SUSD4: variants seen among roughly 807,000 people sequenced by gnomAD.
SUSD4 encodes the protein sushi domain-containing protein 4.
A neutral mutation model predicts 50.5 loss-of-function variants in SUSD4; 41 were observed. The ratio of observed to expected loss-of-function variants is 0.81; its 90% CI spans 0.63 to 1.05. The LOEUF (loss-of-function observed/expected upper bound fraction) is 1.05, where lower values mean the gene tolerates loss of function less well. SUSD4 is among the 50% of genes least tolerant of loss of function. The pLI is 0.00. For missense variants in SUSD4, 580 were observed against 634.7 expected, an observed-to-expected ratio of 0.91 and a Z score of 0.93; for synonymous variants, 257 against 257.3, an observed-to-expected ratio of 1.00 and a Z score of 0.01.
intron 5 of SUSD4, among the ~76,000 whole-genome samples, chr1:223,248,141 T>C (rs990091087): frequency 3.3e-5 from 5 of 152,218 alleles, no homozygotes; most frequent in East Asian, 1.9e-4. Flanking sequence ...TTCCAGATCA[T>C]GAGGAAACTC....
intron 3 of SUSD4, among the ~76,000 whole-genome samples, chr1:223,286,235 C>A (rs910699761): frequency 2.6e-5 from 4 of 152,132 alleles, no homozygotes; most frequent in Admixed American, 6.5e-5. Flanking sequence ...CCTGCCTCAG[C>A]CTCCCGAGTA....
Position 223,231,848 on chromosome 1 carries a change from G to A in SUSD4, c.725-2460C>T, listed in dbSNP as rs1010245666. On this transcript the variant is annotated intron_variant, in intron 5 of 8. Coordinates refer to ENST00000366878, the MANE Select transcript of SUSD4 (RefSeq NM_017982.4). The surrounding 1 kb of genome is among the most constrained non-coding windows in gnomAD (Gnocchi z 4.2). ...CTGCACTGCTGGAGCATTCCCCAGCGCTGTTGTACGCTCAGGAGGCCGGCA... is the reference window on the plus strand; with the variant it reads ...CTGCACTGCTGGAGCATTCCCCAGCACTGTTGTACGCTCAGGAGGCCGGCA... Among the ~76,000 whole-genome samples, 3 of 152,206 alleles carry A rather than the reference G, an allele frequency of 2.0e-5. No individual in the cohort carries two copies. The highest frequency in any genetic ancestry group is 2.9e-5 in the Non-Finnish European group (2 of 68,032).
intron 3 of SUSD4, among the ~76,000 whole-genome samples, chr1:223,279,051 C>G (rs1034923406): frequency 2.6e-5 from 4 of 152,132 alleles, no homozygotes; most frequent in African/African-American, 9.7e-5. Flanking sequence ...GAAAGGACAT[C>G]CACACCAAAA....
At chr1:223,270,280 T>C (rs1166693259) in intron 3 of SUSD4, among the ~76,000 whole-genome samples, 1 of 152,140 alleles carries the variant, frequency 6.6e-6, no homozygotes, top group Admixed American at 6.5e-5. Flanking sequence ...AGGGACTGTG[T>C]TGCTCACTTC....
intron 3 of SUSD4, among the ~76,000 whole-genome samples, chr1:223,285,724 G>A (rs1664091659): frequency 6.6e-6 from 1 of 152,166 alleles, no homozygotes; most frequent in Non-Finnish European, 1.5e-5. Flanking sequence ...ATTATCCCAA[G>A]CAAACTAACA....
intron 2 of SUSD4, among the ~76,000 whole-genome samples, chr1:223,310,623 A>T (rs1252739610): frequency 6.6e-6 from 1 of 152,216 alleles, no homozygotes. Context: ...ATATACCTAA[A>T]TATTAACCAT....
chr1:223,314,298 A>G (rs1666049361), intron 2 of SUSD4, among the ~76,000 whole-genome samples: 1 of 152,122 alleles, frequency 6.6e-6, no homozygotes, highest in Non-Finnish European at 1.5e-5. Context: ...GAAATACCAC[A>G]CCAAGTCCTG....
intron 5 of SUSD4, among the ~76,000 whole-genome samples, chr1:223,247,603 T>C (rs1340149265): frequency 6.6e-6 from 1 of 152,198 alleles, no homozygotes; most frequent in East Asian, 1.9e-4. Context: ...CAGCAGAACA[T>C]GCATGCTCCA....
intron 2 of SUSD4, among the ~76,000 whole-genome samples, chr1:223,338,447 G>C (rs1299870836): frequency 6.6e-6 from 1 of 152,196 alleles, no homozygotes; most frequent in South Asian, 2.1e-4. Flanking sequence ...GTGTCACAGA[G>C]GGCTTTGTGT....
chr1:223,319,403 C>G (rs1666439055), intron 2 of SUSD4, among the ~76,000 whole-genome samples: 1 of 151,376 alleles, frequency 6.6e-6, no homozygotes, highest in African/African-American at 2.4e-5. Flanking sequence ...GCAACCTACT[C>G]ATCTGACAAA....
At chr1:223,224,416 T>G (rs1184830800) in intron 7 of SUSD4, among the ~76,000 whole-genome samples, 1 of 152,114 alleles carries the variant, frequency 6.6e-6, no homozygotes, top group Non-Finnish European at 1.5e-5. Context: ...CCTATGCTCA[T>G]CATGTTTCTT....
chr1:223,292,333 T>A (rs1031440975), intron 3 of SUSD4, 106 bp downstream of exon 3: 4 of 1,248,310 alleles, frequency 3.2e-6, no homozygotes, highest in Non-Finnish European at 3.5e-6. Context: ...CAGCCCTGCA[T>A]CAGAGAGAAG....
At chr1:223,357,892 T>G (rs940917333) in intron 2 of SUSD4, among the ~76,000 whole-genome samples, 1 of 152,196 alleles carries the variant, frequency 6.6e-6, no homozygotes, top group Non-Finnish European at 1.5e-5. Flanking sequence ...TGAAAGTCTA[T>G]CCTTTTGCCC....
chr1:223,251,737 G>A (rs1410419722), intron 5 of SUSD4, among the ~76,000 whole-genome samples: 1 of 152,144 alleles, frequency 6.6e-6, no homozygotes, highest in Non-Finnish European at 1.5e-5. Context: ...CTTTATAGCA[G>A]CATGATTTAT....
intron 2 of SUSD4, among the ~76,000 whole-genome samples, chr1:223,329,226 A>G (rs530938424): frequency 2.0e-5 from 3 of 152,300 alleles, no homozygotes; most frequent in African/African-American, 7.2e-5. Flanking sequence ...ATCATCATGG[A>G]GAAGGCTGAA....
intron 2 of SUSD4, among the ~76,000 whole-genome samples, chr1:223,316,991 C>A (rs1300494182): frequency 9.9e-5 from 15 of 152,264 alleles, no homozygotes; most frequent in African/African-American, 3.4e-4. Context: ...AGAGGTTAGG[C>A]TGATGGAAGT....
chr1:223,235,062 G>A (rs1272283645), intron 5 of SUSD4: 1 of 1,608,516 alleles, frequency 6.2e-7, no homozygotes, highest in Non-Finnish European at 8.5e-7. Flanking sequence ...CTGATGTGTG[G>A]GAAATAAAGG....
chr1:223,233,901 A>G (rs934381274), intron 5 of SUSD4, among the ~76,000 whole-genome samples: 2 of 152,188 alleles, frequency 1.3e-5, no homozygotes, highest in African/African-American at 4.8e-5. Flanking sequence ...GAGTCTGGAC[A>G]TTCAGTGGTT....
intron 8 of SUSD4, 69 bp from the exon 9 acceptor site, chr1:223,222,289 C>T: frequency 2.0e-6 from 3 of 1,515,390 alleles, no homozygotes; most frequent in Admixed American, 1.8e-5. Context: ...GAATTATATG[C>T]CTCATTAAAA....
Sources: gnomAD v4.1 joint callset for allele counts (sites outside exome capture counted in the v4.1 genomes callset) on GRCh38, gnomAD v4.1.1 for gene constraint, Gnocchi (gnomAD v3.1) non-coding constraint, MANE v1.5 for transcripts, NCBI Gene and HGNC (gene_info 2026-07-23, HGNC 2026-07-21) for gene names.